CENPO: variants seen among roughly 807,000 people sequenced by gnomAD.
The protein encoded by CENPO is centromeric protein O.
Under a neutral mutation model 36.1 loss-of-function variants are expected in CENPO, and 30 were observed. The ratio of observed to expected loss-of-function variants is 0.83; its 90% CI spans 0.62 to 1.13. CENPO has a LOEUF of 1.13. Among genes scored for constraint, CENPO ranks in the 50% most tolerant of loss-of-function variants. The pLI is 0.00. For missense variants in CENPO, 349 were observed against 357.8 expected (o/e 0.98, Z 0.20); for synonymous variants, 171 against 142.3 (o/e 1.20, Z -1.44).
intron 6 of CENPO, 37 bp downstream of exon 6, chr2:24,816,854 C>G: frequency 6.5e-7 from 1 of 1,538,166 alleles, no homozygotes; most frequent in Non-Finnish European, 8.7e-7. Flanking sequence ...TTCTCATATC[C>G]CAGTTTATTT....
rs762313736 is a variant in CENPO at position 24,815,573 on chromosome 2, C to T, written c.411C>T (p.Ser137=). The T allele has an allele frequency of 5.5e-5, 89 of 1,613,818 alleles. No individual in the cohort carries two copies. Among genetic ancestry groups the T allele is most frequent in the Admixed American group, 1.7e-5 (1 of 60,006 alleles). The change falls in exon 5 of 8, where the codon TCC becomes TCT. Residue 137 remains serine (S), a synonymous_variant. Transcript: ENST00000380834. ...STAFEGNLLD[S]YFVDLVIQKP... ...CTTTTGAGGGGAACCTATTGGATTC[C>T]TATTTTGTGGACCTTGTCATACAGA... is the stretch of plus-strand genomic sequence containing the variant.
Position 24,815,689 on chromosome 2 carries a change from TC to T in CENPO, c.529del (p.Leu177CysfsTer8). On this transcript the variant is annotated frameshift_variant, in exon 5 of 8. Coordinates refer to ENST00000380834, the MANE Select transcript of CENPO (RefSeq NM_001322101.2). LOFTEE classifies it high-confidence loss of function. ...AKYLQTNIQH[F>X]LFSLCEYLNA... ...TATTTACAGACCAACATCCAGCACT[TC>T]CTGTTCAGTCTCTGCGAGTACCTGA... The T allele has an allele frequency of 6.2e-7, 1 of 1,614,042 alleles. No individual in the cohort carries two copies. Among genetic ancestry groups the T allele is most frequent in the Non-Finnish European group, 8.5e-7 (1 of 1,179,924 alleles).
intron 5 of CENPO, chr2:24,816,354 A>G (rs1666937722): frequency 3.2e-6 from 1 of 316,892 alleles, no homozygotes; most frequent in Non-Finnish European, 5.7e-6. Flanking sequence ...GGATGCAGTC[A>G]TGAAGCATCT....
Position 24,799,766 on chromosome 2 carries a change from T to C in CENPO, c.138T>C (p.Gly46=). The part of the protein sequence containing the change: ...EELQSVQAQE[G]ALGTKIHKLR... The stretch of plus-strand genomic sequence containing the variant: ...TGCAGAGCGTGCAGGCCCAGGAAGG[T>C]GCTCTTGGAACCAAGATTCATAAAC... Residue 46 remains glycine (G), a synonymous_variant, in exon 3 of 8, where the codon GGT becomes GGC. Coordinates refer to ENST00000380834, the MANE Select transcript of CENPO (RefSeq NM_001322101.2). 1 of 1,614,022 alleles carries C rather than the reference T, an allele frequency of 6.2e-7. No homozygotes were observed. The highest frequency in any genetic ancestry group is 8.5e-7 in the Non-Finnish European group (1 of 1,180,018).
At position 24,809,920 on chromosome 2, in the gene CENPO, T is replaced by C. The variant is rs545005060; in HGVS notation, c.217-4456T>C. 9.9e-5 allele frequency among the ~76,000 whole-genome samples: 15 copies of C among 152,172 alleles called. No individual in the cohort carries two copies. In the South Asian group the frequency reaches 2.9e-3, roughly 29 times the overall value. On this transcript the variant is annotated intron_variant, in intron 3 of 7. Transcript: ENST00000380834. ...ATCCTTAGCTGAGTGTGGTGGCACA[T>C]ACCTGTAATCCCAGCTAGTTGGGAG...
At chr2:24,819,164 A>G (rs1022151303) in intron 7 of CENPO, 190 bp from the exon 8 acceptor site, 3 of 152,688 alleles carry the variant, frequency 2.0e-5, no homozygotes, top group Admixed American at 6.5e-5. Flanking sequence ...AATTTCCACA[A>G]TCACTTTCAA....
intron 3 of CENPO, among the ~76,000 whole-genome samples, chr2:24,804,201 C>T (rs1666278930): frequency 6.6e-6 from 1 of 152,078 alleles, no homozygotes; most frequent in African/African-American, 2.4e-5. Flanking sequence ...TCCTCCATCC[C>T]TTTATTTTGA....
At chr2:24,816,236 T>C (rs1411079559) in intron 5 of CENPO, 2 of 188,600 alleles carry the variant, frequency 1.1e-5, no homozygotes, top group Admixed American at 1.1e-4. Flanking sequence ...GATAGGAAAT[T>C]AATGCAAATA....
Position 24,821,316 on chromosome 2 carries a change from T to G in CENPO, c.*1998T>G, listed in dbSNP as rs2148342062. ...CAGTAGGCACAGTATAGTCGGATCATCACATCAGCTGGGTTTTTGGTTTAG... is the reference window on the plus strand; with the variant it reads ...CAGTAGGCACAGTATAGTCGGATCAGCACATCAGCTGGGTTTTTGGTTTAG... On this transcript the variant is annotated 3_prime_UTR_variant, in exon 8 of 8. Coordinates refer to ENST00000380834, the MANE Select transcript of CENPO (RefSeq NM_001322101.2). 1 of 671,418 alleles carries G rather than the reference T, an allele frequency of 1.5e-6. No individual in the cohort carries two copies. Among genetic ancestry groups the G allele is most frequent in the Admixed American group, 3.0e-5 (1 of 33,224 alleles). The allele number at this position is 671,418 out of a possible 1,614,324, so 41.6% of individuals were successfully genotyped here.
intron 6 of CENPO, among the ~76,000 whole-genome samples, 193 bp from the exon 7 acceptor site, chr2:24,817,477 G>C (rs11680229): frequency 6.4e-5 from 6 of 93,172 alleles, no homozygotes; most frequent in Admixed American, 9.1e-5. Context: ...AAAAAAAAAA[G>C]CTGTATGGGT....
chr2:24,795,431 A>G (rs1490051189), intron 2 of CENPO, among the ~76,000 whole-genome samples: 1 of 152,164 alleles, frequency 6.6e-6, no homozygotes. Flanking sequence ...ATGCAATCAT[A>G]ACTTCCAAGG....
At chr2:24,800,894 A>G (rs1347407306) in intron 3 of CENPO, among the ~76,000 whole-genome samples, 1 of 152,192 alleles carries the variant, frequency 6.6e-6, no homozygotes, top group Non-Finnish European at 1.5e-5. Flanking sequence ...TCCCTGAGGA[A>G]TCGCCACACT....
intron 3 of CENPO, among the ~76,000 whole-genome samples, chr2:24,811,361 A>G (rs866294515): frequency 8.3e-5 from 12 of 143,872 alleles, no homozygotes; most frequent in Middle Eastern, 3.8e-3. Flanking sequence ...AGCTCACTGC[A>G]ACCTCCGCCT....
chr2:24,814,952 A>G (rs1666871811), intron 4 of CENPO, among the ~76,000 whole-genome samples: 1 of 152,240 alleles, frequency 6.6e-6, no homozygotes, highest in African/African-American at 2.4e-5. Flanking sequence ...AAGAATAGCT[A>G]TAAATTAAAT....
chr2:24,796,336 AGAGT>A (rs1467994253), intron 2 of CENPO, among the ~76,000 whole-genome samples: 1 of 152,136 alleles, frequency 6.6e-6, no homozygotes, highest in Non-Finnish European at 1.5e-5. Flanking sequence ...CTTGGGCAAC[AGAGT>A]GAGATTTCGT....
Position 24,820,381 on chromosome 2 carries a change from T to TA in CENPO, c.*1064dup. 3.0e-6 allele frequency: 4 copies of TA among 1,315,942 alleles called. No individual in the cohort carries two copies. The highest frequency in any genetic ancestry group is 3.9e-6 in the Non-Finnish European group (4 of 1,036,690). The allele number at this position is 1,315,942 out of a possible 1,614,324, so 81.5% of individuals were successfully genotyped here. ...ATGGTCACCTGGGTGGCAGCACTGTTACCTGGAAACTGCCACTGCCTGCTC... is the reference window on the plus strand; with the variant it reads ...ATGGTCACCTGGGTGGCAGCACTGTTAACCTGGAAACTGCCACTGCCTGCTC... On this transcript the variant is annotated 3_prime_UTR_variant, in exon 8 of 8. Transcript: ENST00000380834.
chr2:24,814,420 G>A lies in CENPO; in HGVS notation c.261G>A (p.Glu87=). ...IANVEPNQTV[E]INEQEALEEK... ...ATGTAGAACCCAACCAAACAGTGGA[G>A]ATCAATGAGCAAGAAGCATTGGAAG... The change falls in exon 4 of 8, where the codon GAG becomes GAA. Residue 87 remains glutamate, a synonymous_variant. Coordinates refer to ENST00000380834, the MANE Select transcript of CENPO (RefSeq NM_001322101.2). The A allele has an allele frequency of 2.5e-6, 4 of 1,606,496 alleles. No individual in the cohort carries two copies. The highest frequency in any genetic ancestry group is 3.4e-6 in the Non-Finnish European group (4 of 1,173,034).
intron 3 of CENPO, among the ~76,000 whole-genome samples, chr2:24,800,582 T>C (rs1029506670): frequency 6.7e-6 from 1 of 150,020 alleles, no homozygotes; most frequent in Non-Finnish European, 1.5e-5. Context: ...CGGTGTTTGG[T>C]TTTTTGTCCT....
In CENPO at chr2:24,820,311, G is replaced by A. The variant is rs182429048; in HGVS notation, c.*993G>A. ...GGGAAGGAGAACCCTGGAGTGACTG[G>A]CTGGGGGCCTCCTCTCATCCAGAGA... On this transcript the variant is annotated 3_prime_UTR_variant, in exon 8 of 8. Coordinates refer to ENST00000380834, the MANE Select transcript of CENPO (RefSeq NM_001322101.2). 4 of 1,300,858 alleles carry A rather than the reference G, an allele frequency of 3.1e-6. No homozygotes were observed. In the African/African-American group the frequency reaches 4.6e-5, roughly 15 times the overall value. The allele number at this position is 1,300,858 out of a possible 1,614,324, so 80.6% of individuals were successfully genotyped here.
Sources: allele counts gnomAD v4.1 joint callset (sites outside exome capture counted in the v4.1 genomes callset), GRCh38; gene constraint gnomAD v4.1.1; transcripts MANE v1.5; gene names NCBI Gene and HGNC (gene_info 2026-07-23, HGNC 2026-07-21).